The following RHOBTB3 variants were observed in gnomAD, a reference collection of about 807,000 sequenced individuals.
RHOBTB3 encodes rho-related BTB domain-containing protein 3.
In RHOBTB3, 47 loss-of-function variants were observed where a neutral mutation model predicts 67.2. The ratio of observed to expected loss-of-function variants is 0.70; its 90% CI spans 0.55 to 0.89. The LOEUF (loss-of-function observed/expected upper bound fraction) is 0.89. Ranked by LOEUF, RHOBTB3 falls within the 40% of genes least tolerant of loss-of-function variation. The pLI, the probability that RHOBTB3 is intolerant of heterozygous loss-of-function variation, is 0.00. For synonymous variants in RHOBTB3, 273 were observed against 274.2 expected (o/e 1.00, Z 0.04); for missense variants, 631 against 750.0 (o/e 0.84, Z 1.85).
rs75887979 is a variant in RHOBTB3 at position 95,755,090 on chromosome 5, C to T, written c.683-306C>T. On this transcript the variant is annotated intron_variant, in intron 5 of 11. Coordinates refer to ENST00000379982, the MANE Select transcript of RHOBTB3 (RefSeq NM_014899.4). ...AAGAAGAAATGTTATTTTATTGTTC[C>T]GTACGTCATTAGTGGGTTTTTCATT... Among the ~76,000 whole-genome samples the T allele has an allele frequency of 2.4e-3, 372 of 152,182 alleles. 2 individuals carry two copies. The highest frequency in any genetic ancestry group is 6.3e-3 in the African/African-American group (261 of 41,518).
At chr5:95,788,940 C>A in intron 11 of RHOBTB3, 82 bp downstream of exon 11, 3 of 839,704 alleles carry the variant, frequency 3.6e-6, no homozygotes, top group South Asian at 1.8e-5. Flanking sequence ...AGAAGTAGTA[C>A]TTTTAGCAAA....
upstream of RHOBTB3, among the ~76,000 whole-genome samples, chr5:95,725,980 T>C (rs933015887): frequency 2.0e-5 from 3 of 152,258 alleles, no homozygotes; most frequent in Non-Finnish European, 2.9e-5. Flanking sequence ...TTTTCTTTAG[T>C]GGATCACAAA....
intron 2 of RHOBTB3, among the ~76,000 whole-genome samples, chr5:95,735,829 G>A (rs1316852481): frequency 2.0e-5 from 3 of 152,106 alleles, no homozygotes; most frequent in African/African-American, 4.8e-5. Flanking sequence ...GGCCAGGCAC[G>A]GTGGCTCATG....
rs563010869 is a variant in RHOBTB3, at chr5:95,753,795, T to G, written c.682+1445T>G. On this transcript the variant is annotated intron_variant, in intron 5 of 11. Coordinates refer to ENST00000379982, the MANE Select transcript of RHOBTB3 (RefSeq NM_014899.4). ...CAGATCCTCAGAGAAAGCAAAACAT[T>G]ACATGTCATTTAGCTTTAAAAGAAA... Among the ~76,000 whole-genome samples, 6 of 152,266 alleles carry G rather than the reference T, an allele frequency of 3.9e-5. 1 individual carries two copies. Among genetic ancestry groups the G allele is most frequent in the African/African-American group, 1.4e-4 (6 of 41,538 alleles).
At chr5:95,742,575 A>T (rs577636968) in intron 3 of RHOBTB3, among the ~76,000 whole-genome samples, 2 of 151,928 alleles carry the variant, frequency 1.3e-5, no homozygotes, top group African/African-American at 4.8e-5. Flanking sequence ...TCTTTCTTTT[A>T]TATTTCTTAT....
At chr5:95,779,900 C>T (rs554286702) in intron 8 of RHOBTB3, 14 of 216,408 alleles carry the variant, frequency 6.5e-5, no homozygotes, top group Middle Eastern at 1.9e-3. Context: ...CACATGGGCA[C>T]GGGTAGTATT....
intron 7 of RHOBTB3, chr5:95,767,810 A>G: frequency 2.8e-6 from 2 of 703,494 alleles, no homozygotes; most frequent in Non-Finnish European, 5.2e-6. Flanking sequence ...CTGAGTTTTC[A>G]CTTAGGCAAT....
intron 1 of RHOBTB3, among the ~76,000 whole-genome samples, chr5:95,722,123 A>C (rs1754901933): frequency 6.6e-6 from 1 of 152,218 alleles, no homozygotes. Flanking sequence ...GAACATTTCT[A>C]AGCATATTTG....
chr5:95,792,388 GAAAA>G (rs752562205), intron 11 of RHOBTB3, among the ~76,000 whole-genome samples: 1 of 83,706 alleles, frequency 1.2e-5, no homozygotes, highest in African/African-American at 4.9e-5. Flanking sequence ...CTCCGTCTCA[GAAAA>G]AAAAAAAAAA....
intron 8 of RHOBTB3, among the ~76,000 whole-genome samples, chr5:95,773,188 G>A (rs534197038): frequency 6.6e-6 from 1 of 152,264 alleles, no homozygotes; most frequent in South Asian, 2.1e-4. Context: ...CTAATGGCGT[G>A]CTTTTCTTCC....
At chr5:95,753,424 A>G (rs1338810512) in intron 5 of RHOBTB3, among the ~76,000 whole-genome samples, 1 of 152,226 alleles carries the variant, frequency 6.6e-6, no homozygotes, top group African/African-American at 2.4e-5. Flanking sequence ...TTCAGGGCAA[A>G]TAAACTTTAA....
intron 10 of RHOBTB3, among the ~76,000 whole-genome samples, chr5:95,784,495 C>A (rs888807): frequency 6.6e-6 from 1 of 151,974 alleles, no homozygotes; most frequent in African/African-American, 2.4e-5. Context: ...TCATGTCTCA[C>A]CTTATTAGCA....
chr5:95,755,254 A>G (rs1407707662), intron 5 of RHOBTB3, 142 bp from the exon 6 acceptor site: 1 of 548,126 alleles, frequency 1.8e-6, no homozygotes. Flanking sequence ...GCATCAAAAA[A>G]TGGTTAAATA....
chr5:95,758,164 A>T (rs1745301198), intron 6 of RHOBTB3, among the ~76,000 whole-genome samples: 1 of 152,212 alleles, frequency 6.6e-6, no homozygotes, highest in South Asian at 2.1e-4. Flanking sequence ...ATGTATCTCC[A>T]GTGGCTGATC....
In RHOBTB3 at chr5:95,732,099, C is replaced by G; in HGVS notation, c.228+15C>G. On this transcript the variant is annotated intron_variant, in intron 2 of 11. Coordinates refer to ENST00000379982, the MANE Select transcript of RHOBTB3 (RefSeq NM_014899.4). ...GTCCCGTCTGGGTAAGGAAGAGCAG[C>G]TGCTCCGCGCTGAGGCTGAAGAAGC... 6.2e-7 allele frequency: 1 copy of G among 1,608,064 alleles called. No homozygotes were observed. The highest frequency in any genetic ancestry group is 8.5e-7 in the Non-Finnish European group (1 of 1,174,484).
chr5:95,780,281 C>T lies in RHOBTB3; in HGVS notation c.1312C>T (p.Leu438=), dbSNP rs1195202230. The T allele has an allele frequency of 6.2e-7, 1 of 1,613,748 alleles. No individual in the cohort carries two copies. The highest frequency in any genetic ancestry group is 8.5e-7 in the Non-Finnish European group (1 of 1,179,800). ...GACAGTGCCAGCCCACAGGGCCATC[C>T]TGGTGGCCCGTTGTGAAGTGATGGC... ...GTTVPAHRAI[L]VARCEVMAAM... Residue 438 remains leucine, a synonymous_variant, in exon 9 of 12, where the codon CTG becomes TTG. Coordinates refer to ENST00000379982, the MANE Select transcript of RHOBTB3 (RefSeq NM_014899.4).
At chr5:95,785,165 C>G (rs1746184839) in intron 10 of RHOBTB3, among the ~76,000 whole-genome samples, 1 of 152,214 alleles carries the variant, frequency 6.6e-6, no homozygotes, top group African/African-American at 2.4e-5. Flanking sequence ...ATCAACACTT[C>G]TGTTTATAGA....
rs1746504552 is a variant in RHOBTB3, at chr5:95,794,212, A to AT, written c.*1038_*1039insT. 2 of 309,538 alleles carry AT rather than the reference A, an allele frequency of 6.5e-6. No individual in the cohort carries two copies. Among genetic ancestry groups the AT allele is most frequent in the Non-Finnish European group, 1.3e-5 (2 of 155,704 alleles). 19.2% of individuals were successfully genotyped at this position (309,538 alleles called of 1,614,324 possible). A position where few individuals can be genotyped will look rare whatever the true frequency, so the allele number is the denominator to read the frequency against. On this transcript the variant is annotated 3_prime_UTR_variant, in exon 12 of 12. Coordinates refer to ENST00000379982, the MANE Select transcript of RHOBTB3 (RefSeq NM_014899.4). ...CTTGCTCTATCATAGATGAACAAAT[A>AT]CTTTCTTGATCATTCTGTAAGACCA...
intron 1 of RHOBTB3, among the ~76,000 whole-genome samples, chr5:95,725,734 T>C (rs2112754459): frequency 6.6e-6 from 1 of 152,320 alleles, no homozygotes; most frequent in East Asian, 1.9e-4. Context: ...TTTGTTAGAA[T>C]AAATTGCATA....
Sources: gnomAD v4.1 joint callset for allele counts (sites outside exome capture counted in the v4.1 genomes callset) on GRCh38, gnomAD v4.1.1 for gene constraint, MANE v1.5 for transcripts, NCBI Gene and HGNC (gene_info 2026-07-23, HGNC 2026-07-21) for gene names.